CNTN5: variants seen among roughly 807,000 people sequenced by gnomAD.
The protein encoded by CNTN5 is contactin 5.
A neutral mutation model predicts 129.1 loss-of-function variants in CNTN5; 77 were observed. The ratio of observed to expected loss-of-function variants is 0.60; its 90% confidence interval spans 0.50 to 0.72. The LOEUF (loss-of-function observed/expected upper bound fraction) is 0.72. Among genes scored for constraint, CNTN5 ranks in the 30% least tolerant of loss-of-function variants. CNTN5 has a pLI of 0.00. For missense variants in CNTN5, 1,478 were observed against 1,328.8 expected, an observed-to-expected ratio of 1.11 and a Z score of -1.75; for synonymous variants, 509 against 465.6, an observed-to-expected ratio of 1.09 and a Z score of -1.20.
At chr11:99,830,092 T>C (rs528083251) in intron 4 of CNTN5, among the ~76,000 whole-genome samples, 120 of 152,208 alleles carry the variant, frequency 7.9e-4, no homozygotes, top group African/African-American at 2.8e-3. Context: ...GGATTAGGAG[T>C]GATTCAAATT....
intron 3 of CNTN5, among the ~76,000 whole-genome samples, chr11:99,717,430 T>C (rs1489436788): frequency 6.6e-6 from 1 of 152,042 alleles, no homozygotes; most frequent in African/African-American, 2.4e-5. Flanking sequence ...GTTACGAGTG[T>C]GCACTACCAA....
chr11:99,944,116 G>A (rs1295850637), intron 7 of CNTN5, among the ~76,000 whole-genome samples: 1 of 151,236 alleles, frequency 6.6e-6, no homozygotes, highest in Non-Finnish European at 1.5e-5. Flanking sequence ...TTCAGTCTAT[G>A]AATTACTTCA....
chr11:99,637,350 A>T (rs151169241), intron 3 of CNTN5, among the ~76,000 whole-genome samples: 2 of 152,242 alleles, frequency 1.3e-5, no homozygotes, highest in South Asian at 2.1e-4. Flanking sequence ...CAATGTCATG[A>T]TATCAAAGGA....
rs1952059833 is a variant in CNTN5 at position 100,337,480 on chromosome 11, A to T, written c.2731-2983A>T. Reference sequence around the variant, plus strand: ...GTGATTAAGTCTTACCCAAGACCTGAGGGACTGAACTTTCAGGATCTCAAG... The same window carrying T: ...GTGATTAAGTCTTACCCAAGACCTGTGGGACTGAACTTTCAGGATCTCAAG... On this transcript the variant is annotated intron_variant, in intron 21 of 24. Coordinates refer to ENST00000524871, the MANE Select transcript of CNTN5 (RefSeq NM_014361.4). 16 of 744,074 alleles carry T rather than the reference A, an allele frequency of 2.2e-5. No homozygotes were observed. The East Asian group carries it at 4.1e-4, about 19-fold the overall frequency. 46.1% of individuals were successfully genotyped at this position (744,074 alleles called of 1,614,324 possible).
chr11:100,049,286 C>T (rs1352629207), intron 9 of CNTN5, among the ~76,000 whole-genome samples: 1 of 151,708 alleles, frequency 6.6e-6, no homozygotes, highest in Non-Finnish European at 1.5e-5. Flanking sequence ...AAGAATGGCA[C>T]AAAGGGTAGG....
rs1252865499 is a variant in CNTN5, at chr11:99,254,037, A to G, written c.-209-71309A>G. Among the ~76,000 whole-genome samples the G allele has an allele frequency of 4.6e-5, 7 of 151,604 alleles. No individual in the cohort carries two copies. In the South Asian group the frequency reaches 1.0e-3, roughly 22 times the overall value. ...CTGTTATAAATCCAAAATAATATTT[A>G]TAATTTGGCTTTTTTCATTTAAAAG... On this transcript the variant is annotated intron_variant, in intron 1 of 24. Coordinates refer to ENST00000524871, the MANE Select transcript of CNTN5 (RefSeq NM_014361.4).
At chr11:99,390,986 A>T (rs1157366397) in intron 2 of CNTN5, among the ~76,000 whole-genome samples, 4 of 152,040 alleles carry the variant, frequency 2.6e-5, no homozygotes, top group Non-Finnish European at 5.9e-5. Context: ...TATTCTAATA[A>T]CTCAAAAATG....
intron 3 of CNTN5, among the ~76,000 whole-genome samples, chr11:99,782,957 CA>C (rs1945367800): frequency 6.6e-6 from 1 of 151,710 alleles, no homozygotes; most frequent in Non-Finnish European, 1.5e-5. Context: ...GCAATGGCAA[CA>C]AAAGACAAAA....
chr11:99,382,554 A>G (rs1940634293), intron 2 of CNTN5, among the ~76,000 whole-genome samples: 1 of 152,158 alleles, frequency 6.6e-6, no homozygotes, highest in African/African-American at 2.4e-5. Flanking sequence ...GAAAACAAAT[A>G]CCTGTGTGTG....
At chr11:99,183,729 T>C (rs982741514) in intron 1 of CNTN5, among the ~76,000 whole-genome samples, 4 of 152,074 alleles carry the variant, frequency 2.6e-5, no homozygotes, top group African/African-American at 7.2e-5. Flanking sequence ...CCCACCAATA[T>C]ATAGATAGCT....
chr11:99,889,963 C>T (rs184118141), intron 6 of CNTN5, among the ~76,000 whole-genome samples: 9 of 152,258 alleles, frequency 5.9e-5, no homozygotes, highest in East Asian at 5.8e-4. Flanking sequence ...ATCTTCACCT[C>T]GATAAGATCA....
rs199686358 is a variant in CNTN5 at position 99,077,783 on chromosome 11, G to A, written c.-210+56513G>A. Among the ~76,000 whole-genome samples, 44 of 152,228 alleles carry A rather than the reference G, an allele frequency of 2.9e-4. No homozygotes were observed. The East Asian group carries it at 4.4e-3, about 15-fold the overall frequency. ...GATGGTTTATAAGGGGCACTTCCCC[G>A]TTTGCTAGGAACATCTCCTTCCTGC... On this transcript the variant is annotated intron_variant, in intron 1 of 24. Coordinates refer to ENST00000524871, the MANE Select transcript of CNTN5 (RefSeq NM_014361.4).
At chr11:100,346,391 G>A (rs183246325) in intron 23 of CNTN5, among the ~76,000 whole-genome samples, 1 of 152,040 alleles carries the variant, frequency 6.6e-6, no homozygotes, top group Non-Finnish European at 1.5e-5. Flanking sequence ...ATTTACCCAG[G>A]TTATAAAGTA....
intron 2 of CNTN5, among the ~76,000 whole-genome samples, chr11:99,347,464 G>A (rs78286594): frequency 3.3e-5 from 5 of 151,988 alleles, no homozygotes; most frequent in African/African-American, 1.2e-4. Flanking sequence ...GAAAAACATA[G>A]GCTCAAATAA....
At chr11:99,395,895 G>A (rs1033966855) in intron 2 of CNTN5, among the ~76,000 whole-genome samples, 1 of 151,844 alleles carries the variant, frequency 6.6e-6, no homozygotes, top group East Asian at 1.9e-4. Flanking sequence ...CTGTTCCATT[G>A]GTCTATGTGT....
At chr11:99,974,403 C>T (rs1386565464) in intron 8 of CNTN5, among the ~76,000 whole-genome samples, 1 of 152,160 alleles carries the variant, frequency 6.6e-6, no homozygotes, top group Non-Finnish European at 1.5e-5. Flanking sequence ...CTGTATCATC[C>T]TGCCTCCCTT....
intron 7 of CNTN5, among the ~76,000 whole-genome samples, chr11:99,919,699 A>G (rs571222611): frequency 5.4e-4 from 82 of 152,220 alleles, no homozygotes; most frequent in African/African-American, 1.9e-3. Flanking sequence ...AACTTGAAAG[A>G]TACTTCCATC....
chr11:99,379,422 C>T (rs1307846195), intron 2 of CNTN5, among the ~76,000 whole-genome samples: 1 of 151,676 alleles, frequency 6.6e-6, no homozygotes, highest in Non-Finnish European at 1.5e-5. Context: ...GGTTCAATAC[C>T]TTTCTCAATT....
At chr11:99,066,493 A>G (rs1362793838) in intron 1 of CNTN5, among the ~76,000 whole-genome samples, 1 of 152,160 alleles carries the variant, frequency 6.6e-6, no homozygotes, top group Admixed American at 6.6e-5. Flanking sequence ...AATTAAGATC[A>G]ACAAATTTTT....
Sources: allele counts gnomAD v4.1 joint callset (sites outside exome capture counted in the v4.1 genomes callset), GRCh38; gene constraint gnomAD v4.1.1; transcripts MANE v1.5; gene names NCBI Gene and HGNC (gene_info 2026-07-23, HGNC 2026-07-21).